The following CPD variants were observed in gnomAD, a reference collection of about 807,000 sequenced individuals.
CPD encodes carboxypeptidase D, also known as metallocarboxypeptidase D.
Under a neutral mutation model 138.3 loss-of-function variants are expected in CPD, and 69 were observed. The ratio of observed to expected loss-of-function variants is 0.50; its 90% confidence interval spans 0.41 to 0.61. The LOEUF (loss-of-function observed/expected upper bound fraction) is 0.61. Ranked by LOEUF, CPD falls within the 20% of genes least tolerant of loss-of-function variation. CPD has a pLI of 0.00. For missense variants in CPD, 1,432 were observed against 1,733.3 expected (o/e 0.83, Z 3.09); for synonymous variants, 651 against 642.1 (o/e 1.01, Z -0.21).
chr17:30,435,766 A>T (rs992492082), intron 8 of CPD, among the ~76,000 whole-genome samples: 4 of 152,200 alleles, frequency 2.6e-5, no homozygotes, highest in Non-Finnish European at 5.9e-5. Context: ...ATTGTCTCAT[A>T]GTTTTGGAGG....
intron 2 of CPD, among the ~76,000 whole-genome samples, chr17:30,392,218 C>T (rs954863738): frequency 6.6e-6 from 1 of 152,044 alleles, no homozygotes; most frequent in African/African-American, 2.4e-5. Context: ...CCATGTTGAC[C>T]AGGCTGCTCT....
intron 2 of CPD, among the ~76,000 whole-genome samples, chr17:30,410,979 T>G (rs1911951359): frequency 6.6e-6 from 1 of 152,220 alleles, no homozygotes; most frequent in East Asian, 1.9e-4. Flanking sequence ...TTGGCATGTT[T>G]TTGCGGTGGC....
chr17:30,432,571 G>A (rs1208281194), intron 8 of CPD, among the ~76,000 whole-genome samples: 9 of 151,880 alleles, frequency 5.9e-5, no homozygotes, highest in South Asian at 2.1e-4. Context: ...TCTTACAATC[G>A]GGAATGTTAA....
At chr17:30,381,424 T>G (rs139442786) in intron 1 of CPD, among the ~76,000 whole-genome samples, 173 of 152,342 alleles carry the variant, frequency 1.1e-3, no homozygotes, top group African/African-American at 4.0e-3. Context: ...TTTTTCTTGG[T>G]GCAAGTCGCC....
intron 2 of CPD, among the ~76,000 whole-genome samples, chr17:30,415,441 G>A (rs1356522337): frequency 1.3e-5 from 2 of 151,994 alleles, no homozygotes; most frequent in Non-Finnish European, 2.9e-5. Flanking sequence ...GAAACAGAGT[G>A]AAAAGGCAGC....
intron 2 of CPD, among the ~76,000 whole-genome samples, chr17:30,386,126 C>T (rs564974201): frequency 1.3e-5 from 2 of 152,176 alleles, no homozygotes; most frequent in South Asian, 4.1e-4. Flanking sequence ...AGCTCCTGGG[C>T]GCAAGCAATA....
chr17:30,431,002 A>C (rs910726270), intron 7 of CPD, among the ~76,000 whole-genome samples: 1 of 152,170 alleles, frequency 6.6e-6, no homozygotes, highest in African/African-American at 2.4e-5. Context: ...TGAAATTGTC[A>C]TATGATAATT....
chr17:30,450,227 T>C (rs1444266338), intron 13 of CPD: 1 of 149,750 alleles, frequency 6.7e-6, no homozygotes, highest in African/African-American at 2.6e-5. Context: ...CGGCTAATTT[T>C]TTTATATTTT....
Position 30,461,217 on chromosome 17 carries a change from C to G in CPD, c.3536C>G (p.Thr1179Arg). The G allele has an allele frequency of 6.2e-7, 1 of 1,609,834 alleles. No individual in the cohort carries two copies. Among genetic ancestry groups the G allele is most frequent in the Non-Finnish European group, 8.5e-7 (1 of 1,178,108 alleles). ...SVTYGHCPEI[T>R]VYTSCCYFPS... is the part of the protein sequence containing the mutation. ...ACCTATGGCCATTGTCCGGAAATCA[C>G]AGTATACACAAGCTGCTGTTACTTT... Residue 1179 changes from threonine (T) to arginine (R), a missense_variant, in exon 18 of 21, where the codon ACA becomes AGA. Physicochemically the swap from Thr to Arg is moderately conservative, Grantham distance 71. Around this residue, in one of 6 missense-constraint regions of CPD, gnomAD observed 366 missense variants for 518.8 expected, o/e 0.71. Transcript: ENST00000225719.
At position 30,464,896 on chromosome 17, in the gene CPD, A is replaced by G; in HGVS notation, c.*82A>G. On this transcript the variant is annotated 3_prime_UTR_variant, in exon 21 of 21. Coordinates refer to ENST00000225719, the MANE Select transcript of CPD (RefSeq NM_001304.5). ...TGGGAGAACACTGCATTAAGAAGAG[A>G]GACTCTCTTGCTTCTTCAAAGAGCT... The G allele has an allele frequency of 1.9e-6, 2 of 1,077,320 alleles. No individual in the cohort carries two copies. Among genetic ancestry groups the G allele is most frequent in the Non-Finnish European group, 2.8e-6 (2 of 712,864 alleles). The allele number at this position is 1,077,320 out of a possible 1,614,324, so 66.7% of individuals were successfully genotyped here.
chr17:30,439,505 C>A (rs1912800219), intron 9 of CPD, among the ~76,000 whole-genome samples: 1 of 135,826 alleles, frequency 7.4e-6, no homozygotes. Context: ...TGCGCTGCAC[C>A]CACTAACTCG....
rs367616421 is a variant in CPD, at chr17:30,420,755, A to G, written c.995-86A>G. Reference sequence around the variant, plus strand: ...AAAAGAAAAGAAAATTTATACATCCAGAGATGGCTGATTTAATTTCTTCAG... The same window carrying G: ...AAAAGAAAAGAAAATTTATACATCCGGAGATGGCTGATTTAATTTCTTCAG... On this transcript the variant is annotated intron_variant, in intron 2 of 20. Coordinates refer to ENST00000225719, the MANE Select transcript of CPD (RefSeq NM_001304.5). 4.0e-3 allele frequency: 5,044 copies of G among 1,256,078 alleles called. 87 individuals carry two copies. In the South Asian group the frequency reaches 0.041, roughly 10 times the overall value. 77.8% of individuals were successfully genotyped at this position (1,256,078 alleles called of 1,614,324 possible).
chr17:30,383,978 G>A lies in CPD; in HGVS notation c.747-1011G>A, dbSNP rs73987920. On this transcript the variant is annotated intron_variant, in intron 1 of 20. Coordinates refer to ENST00000225719, the MANE Select transcript of CPD (RefSeq NM_001304.5). The stretch of plus-strand genomic sequence containing the variant: ...CTTTTACCATAAAAGGAATTCTTCA[G>A]TATTTCTATATAGATAAGTTTGACC... Among the ~76,000 whole-genome samples the A allele has an allele frequency of 4.5e-3, 678 of 152,054 alleles. 5 individuals are homozygous for A. The highest frequency in any genetic ancestry group is 0.015 in the African/African-American group (636 of 41,472).
intron 2 of CPD, among the ~76,000 whole-genome samples, chr17:30,407,777 T>C (rs1285822504): frequency 6.6e-6 from 1 of 152,024 alleles, no homozygotes; most frequent in East Asian, 1.9e-4. Flanking sequence ...GCCTGTTCAC[T>C]CTGATGGTAG....
intron 17 of CPD, among the ~76,000 whole-genome samples, chr17:30,458,834 T>G (rs920689689): frequency 1.1e-4 from 16 of 151,286 alleles, no homozygotes; most frequent in Admixed American, 3.3e-4. Context: ...CCACTTCACT[T>G]GAGTCTGGGC....
intron 2 of CPD, among the ~76,000 whole-genome samples, chr17:30,401,834 A>G (rs541581237): frequency 3.4e-4 from 51 of 151,774 alleles, no homozygotes; most frequent in Non-Finnish European, 1.5e-4. Flanking sequence ...TAAAATACCC[A>G]TGCATGGATT....
At chr17:30,446,430 G>GT (rs1222221587) in intron 12 of CPD, among the ~76,000 whole-genome samples, 3 of 152,148 alleles carry the variant, frequency 2.0e-5, no homozygotes, top group South Asian at 4.2e-4. Context: ...GCAGTGTTTG[G>GT]TTTTTTGTCC....
At chr17:30,401,779 CCCAGCTGA>C (rs2143354254) in intron 2 of CPD, among the ~76,000 whole-genome samples, 1 of 152,228 alleles carries the variant, frequency 6.6e-6, no homozygotes, top group Non-Finnish European at 1.5e-5. Flanking sequence ...AGCCATTGTG[CCCAGCTGA>C]CTTTTTTTCT....
intron 12 of CPD, among the ~76,000 whole-genome samples, chr17:30,446,745 T>C (rs141965393): frequency 0.032 from 4,859 of 152,276 alleles, 388 homozygotes; most frequent in East Asian, 0.31. Flanking sequence ...CCTGAGGAAT[T>C]GCAACACTGA....
Sources: allele counts gnomAD v4.1 joint callset (sites outside exome capture counted in the v4.1 genomes callset), GRCh38; gene constraint gnomAD v4.1.1; regional missense constraint gnomAD v4.1.1; transcripts MANE v1.5; gene names NCBI Gene and HGNC (gene_info 2026-07-23, HGNC 2026-07-21).